KMT2C: variants seen among roughly 807,000 people sequenced by gnomAD.
The protein encoded by KMT2C is lysine methyltransferase 2C.
KMT2C carries 88 observed loss-of-function variants against 507.9 expected under a neutral mutation model. The observed-to-expected ratio is 0.17, with a 90% CI of 0.15 to 0.21. The LOEUF is 0.21. KMT2C is among the 10% of genes least tolerant of loss of function. The pLI, the probability that KMT2C is intolerant of heterozygous loss-of-function variation, is 1.00. For missense variants in KMT2C, 4,954 were observed against 5,957.8 expected (o/e 0.83, Z 5.55); for synonymous variants, 2,049 against 2,080.8 (o/e 0.98, Z 0.42).
Position 152,148,881 on chromosome 7 carries a change from T to A in KMT2C, c.13046A>T (p.Asn4349Ile), listed in dbSNP as rs746094038. The A allele has an allele frequency of 6.2e-7, 1 of 1,614,134 alleles. No individual in the cohort carries two copies. Among genetic ancestry groups the A allele is most frequent in the African/African-American group, 1.3e-5 (1 of 74,948 alleles). The change falls in exon 52 of 59, where the codon AAT (asparagine) becomes ATT (isoleucine). Residue 4349 changes from asparagine to isoleucine, a missense_variant. Transcript: ENST00000262189. This position sits in a 1 kb window ranked among gnomAD's most constrained non-coding sequence, Gnocchi z 7.1. ...HGGFEDCRPL[N>I]KKWRGMKWKK... is the part of the protein sequence containing the mutation. The stretch of plus-strand genomic sequence containing the variant: ...CCATTTCATTCCTCTCCATTTTTTA[T>A]TGAGCGGCCTGCAATCTTCAAACCC...
In KMT2C at chr7:152,181,344, G is replaced by A. The variant is rs780352876; in HGVS notation, c.6516C>T (p.Asp2172=). Reference sequence around the variant, plus strand: ...GGGTTTGGGGCTGCTGACTATATGGGTCAACAGTAGTAGGCCGGGGAGTTC... The same window carrying A: ...GGGTTTGGGGCTGCTGACTATATGGATCAACAGTAGTAGGCCGGGGAGTTC... ...PPGTPRPTTV[D]PYSQQPQTPR... The change falls in exon 36 of 59, where the codon GAC becomes GAT. Residue 2172 remains aspartate (D), a synonymous_variant. Coordinates refer to ENST00000262189, the MANE Select transcript of KMT2C (RefSeq NM_170606.3). 3 of 1,613,876 alleles carry A rather than the reference G, an allele frequency of 1.9e-6. No individual in the cohort carries two copies. Among genetic ancestry groups the A allele is most frequent in the East Asian group, 2.2e-5 (1 of 44,864 alleles).
chr7:152,146,771 T>C (rs1172425843), intron 52 of KMT2C, 36 bp from the exon 53 acceptor site: 1 of 1,586,488 alleles, frequency 6.3e-7, no homozygotes, highest in Non-Finnish European at 8.6e-7. Context: ...TTATAGGAAA[T>C]AGGATACAGT....
chr7:152,156,402 T>C (rs2092049214), intron 44 of KMT2C, 56 bp from the exon 45 acceptor site: 3 of 1,587,238 alleles, frequency 1.9e-6, no homozygotes, highest in East Asian at 4.5e-5. Flanking sequence ...TGCAATGACC[T>C]TGCTAAAACG....
intron 1 of KMT2C, among the ~76,000 whole-genome samples, chr7:152,399,301 G>A (rs1460991888): frequency 6.6e-6 from 1 of 152,098 alleles, no homozygotes; most frequent in Non-Finnish European, 1.5e-5. Flanking sequence ...TCAAATAGCA[G>A]ATCAAACATA....
chr7:152,434,704 G>A (rs2097899456), intron 1 of KMT2C, among the ~76,000 whole-genome samples: 1 of 152,154 alleles, frequency 6.6e-6, no homozygotes, highest in South Asian at 2.1e-4. Flanking sequence ...CACTAAAACG[G>A]TGTCTTAATT....
In KMT2C at chr7:152,297,055, C is replaced by CAGACAGACAGAG. The variant is rs1315629061; in HGVS notation, c.849+12910_849+12911insCTCTGTCTGTCT. Among the ~76,000 whole-genome samples the CAGACAGACAGAG allele has an allele frequency of 2.8e-3, 238 of 84,432 alleles. 1 individual carries two copies. Among genetic ancestry groups the CAGACAGACAGAG allele is most frequent in the Non-Finnish European group, 3.6e-3 (159 of 44,062 alleles). The allele number at this position is 84,432 out of a possible 152,430, so 55.4% of individuals were successfully genotyped here. A position where few individuals can be genotyped will look rare whatever the true frequency, so the allele number is the denominator to read the frequency against. On this transcript the variant is annotated intron_variant, in intron 6 of 58. Transcript: ENST00000262189. The stretch of plus-strand genomic sequence containing the variant: ...AAAGAAAGAAAGAAAGAAAGAAAGA[C>CAGACAGACAGAG]AGAGAGAGAGAGAGAGAGAGAGAGA...
chr7:152,145,407 C>T (rs929820945), intron 53 of KMT2C, 112 bp from the exon 54 acceptor site: 4 of 1,066,502 alleles, frequency 3.8e-6, no homozygotes, highest in African/African-American at 3.2e-5. Flanking sequence ...GCGTTTTCCC[C>T]GATAATAAAA....
chr7:152,391,704 T>G (rs897376555), intron 1 of KMT2C, among the ~76,000 whole-genome samples: 1 of 152,046 alleles, frequency 6.6e-6, no homozygotes, highest in African/African-American at 2.4e-5. Flanking sequence ...ACCGGGCTAA[T>G]TTTTGTATTT....
At position 152,194,076 on chromosome 7, in the gene KMT2C, C is replaced by T. The variant is rs1186296184; in HGVS notation, c.4593G>A (p.Ala1531=). Residue 1531 remains alanine (A), a synonymous_variant, in exon 31 of 59, where the codon GCG becomes GCA. Coordinates refer to ENST00000262189, the MANE Select transcript of KMT2C (RefSeq NM_170606.3). ...GTGGCAATGGAGTTGGCTGAGTGTTCGCAGGACTAAGTACAGCTGTAAATA... is the reference window on the plus strand; with the variant it reads ...GTGGCAATGGAGTTGGCTGAGTGTTTGCAGGACTAAGTACAGCTGTAAATA... The part of the protein sequence containing the change: ...EDLFTAVLSP[A]NTQPTPLPQP... 4 of 1,593,480 alleles carry T rather than the reference C, an allele frequency of 2.5e-6. No homozygotes were observed. The highest frequency in any genetic ancestry group is 1.8e-5 in the Admixed American group (1 of 54,416).
chr7:152,258,270 G>A (rs1378310318), intron 9 of KMT2C, among the ~76,000 whole-genome samples: 2 of 152,134 alleles, frequency 1.3e-5, no homozygotes, highest in East Asian at 3.9e-4. Context: ...CAGCAAGTAT[G>A]GGACTATTTC....
At chr7:152,366,147 A>G (rs2097241834) in intron 1 of KMT2C, among the ~76,000 whole-genome samples, 1 of 152,218 alleles carries the variant, frequency 6.6e-6, no homozygotes, top group South Asian at 2.1e-4. Context: ...AGGTGTAGGG[A>G]ACATAAAATG....
Position 152,311,949 on chromosome 7 carries a change from G to A in KMT2C, c.591-3C>T, listed in dbSNP as rs748119530. On this transcript the variant is annotated splice_polypyrimidine_tract_variant and splice_region_variant and intron_variant, in intron 4 of 58. Coordinates refer to ENST00000262189, the MANE Select transcript of KMT2C (RefSeq NM_170606.3). Reference sequence around the variant, plus strand: ...TATTCTGCTGAGGAGATCGTTCTCTGAAAATAAAATAAAATAACTGTGAAA... The same window carrying A: ...TATTCTGCTGAGGAGATCGTTCTCTAAAAATAAAATAAAATAACTGTGAAA... The A allele has an allele frequency of 2.0e-6, 3 of 1,533,712 alleles. No homozygotes were observed. The highest frequency in any genetic ancestry group is 2.7e-6 in the Non-Finnish European group (3 of 1,129,522).
chr7:152,201,256 T>C (rs1175896466), intron 26 of KMT2C, among the ~76,000 whole-genome samples: 1 of 147,894 alleles, frequency 6.8e-6, no homozygotes, highest in African/African-American at 2.5e-5. Context: ...AAAACTACCA[T>C]TAAAAAGGCC....
At position 152,388,106 on chromosome 7, in the gene KMT2C, A is replaced by T. The variant is rs557192622; in HGVS notation, c.162-29431T>A. 4.1e-4 allele frequency among the ~76,000 whole-genome samples: 60 copies of T among 146,006 alleles called. 1 individual carries two copies. Among genetic ancestry groups the T allele is most frequent in the Non-Finnish European group, 7.6e-5 (5 of 66,110 alleles). On this transcript the variant is annotated intron_variant, in intron 1 of 58. Transcript: ENST00000262189. Reference sequence around the variant, plus strand: ...AAAATGTAACCTCTTCAAAAAAAAAAAATAAATAAATAAAAATAAAATAAA... The same window carrying T: ...AAAATGTAACCTCTTCAAAAAAAAATAATAAATAAATAAAAATAAAATAAA...
At chr7:152,388,669 T>C (rs2097457429) in intron 1 of KMT2C, among the ~76,000 whole-genome samples, 1 of 152,262 alleles carries the variant, frequency 6.6e-6, no homozygotes, top group African/African-American at 2.4e-5. Context: ...TGGGATTGTA[T>C]GGCGAAAAAA....
intron 51 of KMT2C, 132 bp downstream of exon 51, chr7:152,150,768 T>C (rs1296733322): frequency 3.0e-6 from 2 of 655,776 alleles, no homozygotes; most frequent in Non-Finnish European, 5.3e-6. Flanking sequence ...CTCTGCCGGG[T>C]CAGCACCTGC....
chr7:152,176,582 G>C lies in KMT2C; in HGVS notation c.8871C>G (p.Phe2957Leu). 1 of 1,614,136 alleles carries C rather than the reference G, an allele frequency of 6.2e-7. No individual in the cohort carries two copies. The highest frequency in any genetic ancestry group is 1.1e-5 in the South Asian group (1 of 91,074). Residue 2957 changes from phenylalanine (F) to leucine (L), a missense_variant, in exon 38 of 59, where the codon TTC (phenylalanine) becomes TTG (leucine). This residue lies in a region of KMT2C where 1,689 missense variants were observed against 1,654.3 expected (regional missense o/e 1.02). Coordinates refer to ENST00000262189, the MANE Select transcript of KMT2C (RefSeq NM_170606.3). ...PSNHVSSLPPFIAPPGRVLDN... is the reference protein window; with the variant it reads ...PSNHVSSLPPLIAPPGRVLDN... ...CCAAAACACGGCCAGGCGGTGCTATGAAAGGAGGCAAACTTGACACATGAT... is the reference window on the plus strand; with the variant it reads ...CCAAAACACGGCCAGGCGGTGCTATCAAAGGAGGCAAACTTGACACATGAT...
intron 23 of KMT2C, among the ~76,000 whole-genome samples, chr7:152,214,488 T>C (rs950737461): frequency 6.6e-6 from 1 of 152,192 alleles, no homozygotes; most frequent in Admixed American, 6.5e-5. Context: ...TAACACTGTT[T>C]CCTTCAATCT....
In KMT2C at chr7:152,181,898, G is replaced by A; in HGVS notation, c.5962C>T (p.Pro1988Ser). The change falls in exon 36 of 59, where the codon CCT becomes TCT. Residue 1988 changes from proline (P) to serine (S), a missense_variant. By Grantham distance (74) the Pro-to-Ser change is moderately conservative. This residue lies in a region of KMT2C where 1,689 missense variants were observed against 1,654.3 expected (regional missense o/e 1.02). Transcript: ENST00000262189. Reference protein sequence around the residue: ...FPKSLGLSRSPVVSEQTAKGP... With the variant: ...FPKSLGLSRSSVVSEQTAKGP... ...TTTGCAGTTTGTTCTGAAACTACAG[G>A]AGACCGGGATAGGCCCAAGGATTTG... is the stretch of plus-strand genomic sequence containing the variant. The A allele has an allele frequency of 1.2e-6, 2 of 1,614,180 alleles. No homozygotes were observed. The highest frequency in any genetic ancestry group is 1.7e-6 in the Non-Finnish European group (2 of 1,180,026).
Sources: allele counts gnomAD v4.1 joint callset (sites outside exome capture counted in the v4.1 genomes callset), GRCh38; gene constraint gnomAD v4.1.1; regional missense constraint gnomAD v4.1.1; non-coding constraint Gnocchi (gnomAD v3.1); transcripts MANE v1.5; gene names NCBI Gene and HGNC (gene_info 2026-07-23, HGNC 2026-07-21).